Variants in GLT1D1 observed in about 807,000 individuals in gnomAD.
GLT1D1 encodes glycosyltransferase 1 domain-containing protein 1.
A neutral mutation model predicts 28.7 loss-of-function variants in GLT1D1; 21 were observed. The observed-to-expected ratio is 0.73, with a 90% confidence interval of 0.52 to 1.05. The LOEUF is 1.05. Ranked by LOEUF, GLT1D1 falls within the 50% of genes least tolerant of loss-of-function variation. The pLI, the probability that GLT1D1 is intolerant of heterozygous loss-of-function variation, is 0.00. For missense variants in GLT1D1, 343 were observed against 330.6 expected (o/e 1.04, Z -0.29); for synonymous variants, 147 against 124.8 (o/e 1.18, Z -1.19).
At chr12:128,928,627 T>A (rs1873539112) in intron 4 of GLT1D1, among the ~76,000 whole-genome samples, 1 of 151,560 alleles carries the variant, frequency 6.6e-6, no homozygotes, top group Admixed American at 6.6e-5. Context: ...TTTTTTTCTT[T>A]CTTTCTTTTT....
chr12:128,940,899 C>T (rs1875147441), intron 4 of GLT1D1, among the ~76,000 whole-genome samples: 1 of 152,258 alleles, frequency 6.6e-6, no homozygotes, highest in East Asian at 1.9e-4. Flanking sequence ...CTATCTCATT[C>T]CTGAATATTT....
rs1490743924 is a variant in GLT1D1 at position 128,957,585 on chromosome 12, C to G, written c.581C>G (p.Pro194Arg). The G allele has an allele frequency of 1.9e-6, 3 of 1,613,932 alleles. No individual in the cohort carries two copies. The highest frequency in any genetic ancestry group is 1.7e-5 in the Admixed American group (1 of 60,008). Residue 194 changes from proline (P) to arginine (R), a missense_variant, in exon 7 of 8, where the codon CCC (proline) becomes CGC (arginine). Pro to Arg is a moderately radical substitution (Grantham distance 103, BLOSUM62 -2). Coordinates refer to ENST00000281703, the MANE Select transcript of GLT1D1 (RefSeq NM_144669.3). Reference sequence around the variant, plus strand: ...GTACCGGTATTGGCCAGGAACATCCCCGGGAATGCTGCCGTGGTGAAGCAT... The same window carrying G: ...GTACCGGTATTGGCCAGGAACATCCGCGGGAATGCTGCCGTGGTGAAGCAT...
chr12:128,881,548 AAAAAAAAAAAAAAATATATAT>A (rs1461236750), intron 2 of GLT1D1, among the ~76,000 whole-genome samples: 26 of 77,700 alleles, frequency 3.3e-4, no homozygotes, highest in African/African-American at 1.4e-3. Context: ...AAAAAAAAAA[AAAAAAAAAAAAAAATATATAT>A]ATATATATAT....
intron 2 of GLT1D1, among the ~76,000 whole-genome samples, chr12:128,884,341 A>G (rs969070687): frequency 2.0e-5 from 3 of 152,252 alleles, no homozygotes; most frequent in Non-Finnish European, 4.4e-5. Flanking sequence ...TGTGAAATCC[A>G]GAAAGTCAAA....
rs1872921216 is a variant in GLT1D1 at position 128,923,977 on chromosome 12, C to T, written c.376-21349C>T. On this transcript the variant is annotated intron_variant, in intron 4 of 7. Coordinates refer to ENST00000281703, the MANE Select transcript of GLT1D1 (RefSeq NM_144669.3). ...CACCAGCTGAAAGCAGCCACCCCTG[C>T]ATTTCTCCTGATGCTGGGGTTTGGC... Among the ~76,000 whole-genome samples the T allele has an allele frequency of 2.0e-5, 3 of 152,100 alleles. No homozygotes were observed. The South Asian group carries it at 6.2e-4, about 32-fold the overall frequency.
At chr12:128,887,216 C>T (rs1047712806) in intron 2 of GLT1D1, among the ~76,000 whole-genome samples, 12 of 151,996 alleles carry the variant, frequency 7.9e-5, no homozygotes, top group African/African-American at 2.2e-4. Flanking sequence ...AGAATTTTGC[C>T]GTGTTGCCCA....
intron 4 of GLT1D1, among the ~76,000 whole-genome samples, chr12:128,913,646 G>A (rs558472776): frequency 5.3e-5 from 8 of 152,356 alleles, no homozygotes; most frequent in East Asian, 3.9e-4. Context: ...GAGGCCAGGC[G>A]TTCGGGCCTC....
rs1452372046 is a variant in GLT1D1, at chr12:128,945,343, A to C, written c.393A>C (p.Thr131=). Reference sequence around the variant, plus strand: ...CTTTTCAGGTCGATCCAGTGTTTACAAGGGAAGTGAAAGCCAAAGTGAAAA... The same window carrying C: ...CTTTTCAGGTCGATCCAGTGTTTACCAGGGAAGTGAAAGCCAAAGTGAAAA... The change falls in exon 5 of 8, where the codon ACA becomes ACC. Residue 131 remains threonine (T), a synonymous_variant. Coordinates refer to ENST00000281703, the MANE Select transcript of GLT1D1 (RefSeq NM_144669.3). 6.2e-7 allele frequency: 1 copy of C among 1,614,140 alleles called. No individual in the cohort carries two copies. The highest frequency in any genetic ancestry group is 8.5e-7 in the Non-Finnish European group (1 of 1,179,946).
At position 128,939,844 on chromosome 12, in the gene GLT1D1, C is replaced by CG. The variant is rs1555271972; in HGVS notation, c.376-5482_376-5481insG. On this transcript the variant is annotated intron_variant, in intron 4 of 7. Coordinates refer to ENST00000281703, the MANE Select transcript of GLT1D1 (RefSeq NM_144669.3). ...GTTGCCAAATTGTTAGAAACCCCCC[C>CG]CCACCGCCGATCCAATCACCTCCTA... is the stretch of plus-strand genomic sequence containing the variant. Among the ~76,000 whole-genome samples, 281 of 145,408 alleles carry CG rather than the reference C, an allele frequency of 1.9e-3. 26 individuals are homozygous for CG. The highest frequency in any genetic ancestry group is 7.0e-3 in the African/African-American group (264 of 37,806).
At chr12:128,878,539 G>A (rs563972426) in intron 2 of GLT1D1, among the ~76,000 whole-genome samples, 33 of 152,200 alleles carry the variant, frequency 2.2e-4, no homozygotes, top group African/African-American at 4.6e-4. Flanking sequence ...CTGTATATGC[G>A]GAGAGTGTTT....
intron 4 of GLT1D1, chr12:128,944,749 G>A (rs1477861919): frequency 5.5e-6 from 3 of 544,560 alleles, no homozygotes; most frequent in Non-Finnish European, 1.0e-5. Context: ...CATCATTTGG[G>A]ATGAGTTTCC....
intron 1 of GLT1D1, among the ~76,000 whole-genome samples, chr12:128,868,850 G>T (rs73438329): frequency 0.027 from 4,152 of 152,210 alleles, 188 homozygotes; most frequent in African/African-American, 0.093. Flanking sequence ...GTCTAAACAT[G>T]ATTTTGATCT....
intron 1 of GLT1D1, among the ~76,000 whole-genome samples, chr12:128,854,033 C>A (rs530948200): frequency 1.3e-5 from 2 of 152,206 alleles, no homozygotes; most frequent in South Asian, 4.1e-4. Context: ...CGTTTCCAGG[C>A]CGGGGACCGC....
At chr12:128,949,919 G>C (rs1412785346) in intron 6 of GLT1D1, among the ~76,000 whole-genome samples, 1 of 152,114 alleles carries the variant, frequency 6.6e-6, no homozygotes, top group African/African-American at 2.4e-5. Flanking sequence ...AAGCAGAGAC[G>C]AGCACCTGCA....
chr12:128,930,551 C>T (rs556521251), intron 4 of GLT1D1: 1 of 152,334 alleles, frequency 6.6e-6, no homozygotes, highest in East Asian at 1.9e-4. Context: ...TTCTGTACAG[C>T]ATTAGCGTGT....
At position 128,938,465 on chromosome 12, in the gene GLT1D1, T is replaced by C. The variant is rs895514015; in HGVS notation, c.376-6861T>C. Among the ~76,000 whole-genome samples, 7 of 152,372 alleles carry C rather than the reference T, an allele frequency of 4.6e-5. No individual in the cohort carries two copies. In the South Asian group the frequency reaches 1.4e-3, roughly 32 times the overall value. ...AGTGACCTCAGGGATGTCAACGAGC[T>C]TAACATTACCAATCCTTTGCGTTAA... On this transcript the variant is annotated intron_variant, in intron 4 of 7. Transcript: ENST00000281703.
intron 2 of GLT1D1, among the ~76,000 whole-genome samples, chr12:128,880,015 G>A (rs764655957): frequency 2.0e-5 from 3 of 152,220 alleles, no homozygotes; most frequent in African/African-American, 4.8e-5. Flanking sequence ...GTATGTGGAT[G>A]TTGGAAATAT....
intron 3 of GLT1D1, among the ~76,000 whole-genome samples, chr12:128,895,445 A>G (rs73440315): frequency 0.012 from 1,758 of 151,132 alleles, 33 homozygotes; most frequent in African/African-American, 0.04. Flanking sequence ...TTGTTGGTCA[A>G]TATACAGAAG....
chr12:128,936,278 C>T (rs1315023852), intron 4 of GLT1D1, among the ~76,000 whole-genome samples: 2 of 151,830 alleles, frequency 1.3e-5, no homozygotes, highest in African/African-American at 4.8e-5. Context: ...CCTCAGCCTC[C>T]CGAGTAGCTG....
Sources: gnomAD v4.1 joint callset for allele counts (sites outside exome capture counted in the v4.1 genomes callset) on GRCh38, gnomAD v4.1.1 for gene constraint, MANE v1.5 for transcripts, NCBI Gene and HGNC (gene_info 2026-07-23, HGNC 2026-07-21) for gene names.